The following CLEC9A variants were observed in gnomAD, a reference collection of about 807,000 sequenced individuals.
The protein encoded by CLEC9A is C-type lectin domain containing 9A.
Under a neutral mutation model 30.0 loss-of-function variants are expected in CLEC9A, and 24 were observed. The observed-to-expected ratio is 0.80, with a 90% CI of 0.58 to 1.13. CLEC9A has a LOEUF of 1.13. Among genes scored for constraint, CLEC9A ranks in the 50% most tolerant of loss-of-function variants. The probability of loss-of-function intolerance (pLI) is 0.00; values close to 1 mark genes in which losing one functional copy is unlikely to be tolerated. For synonymous variants in CLEC9A, 111 were observed against 96.8 expected, an observed-to-expected ratio of 1.15 and a Z score of -0.86; for missense variants, 251 against 280.9, an observed-to-expected ratio of 0.89 and a Z score of 0.76.
chr12:10,047,581 T>C (rs1164592624), intron 2 of CLEC9A, among the ~76,000 whole-genome samples: 1 of 152,190 alleles, frequency 6.6e-6, no homozygotes, highest in Non-Finnish European at 1.5e-5. Context: ...AAATTACAAC[T>C]AAGTTACAAG....
chr12:10,032,632 CCG>C lies in CLEC9A; in HGVS notation c.-318+1662_-318+1663del, dbSNP rs1865709752. 2.0e-5 allele frequency among the ~76,000 whole-genome samples: 3 copies of C among 152,028 alleles called. No individual in the cohort carries two copies. In the South Asian group the frequency reaches 6.2e-4, roughly 32 times the overall value. On this transcript the variant is annotated intron_variant, in intron 1 of 8. Coordinates refer to ENST00000355819, the MANE Select transcript of CLEC9A (RefSeq NM_207345.4). ...GGTCTCGATCTCCTAACCTCGTGATCCGCCCGCTTCGGCCTCCCAACGAGCTG... is the reference window on the plus strand; with the variant it reads ...GGTCTCGATCTCCTAACCTCGTGATCCCCGCTTCGGCCTCCCAACGAGCTG...
chr12:10,044,310 A>T (rs1211261514), intron 2 of CLEC9A, among the ~76,000 whole-genome samples: 1 of 152,220 alleles, frequency 6.6e-6, no homozygotes, highest in Non-Finnish European at 1.5e-5. Context: ...ATGTAAATGG[A>T]TAACCAAATC....
intron 2 of CLEC9A, among the ~76,000 whole-genome samples, chr12:10,045,959 G>C (rs1467557805): frequency 6.6e-6 from 1 of 152,136 alleles, no homozygotes; most frequent in Non-Finnish European, 1.5e-5. Flanking sequence ...ATATAGATTA[G>C]TGCTTAATTA....
chr12:10,042,494 A>G (rs540032195), intron 2 of CLEC9A, among the ~76,000 whole-genome samples: 1 of 152,342 alleles, frequency 6.6e-6, no homozygotes, highest in South Asian at 2.1e-4. Context: ...TGATTTACCT[A>G]TTCCTTCATT....
At chr12:10,059,327 T>C (rs947288137) in intron 5 of CLEC9A, among the ~76,000 whole-genome samples, 3 of 151,984 alleles carry the variant, frequency 2.0e-5, no homozygotes, top group African/African-American at 7.2e-5. Context: ...TTTCAACAAA[T>C]GGTGCTGGAG....
At position 10,030,897 on chromosome 12, in the gene CLEC9A, A is replaced by G. The variant is rs1865689096; in HGVS notation, c.-393A>G. 1 of 152,206 alleles carries G rather than the reference A, an allele frequency of 6.6e-6. No homozygotes were observed. Among genetic ancestry groups the G allele is most frequent in the African/African-American group, 2.4e-5 (1 of 41,442 alleles). 9.4% of individuals were successfully genotyped at this position (152,206 alleles called of 1,614,324 possible). On this transcript the variant is annotated 5_prime_UTR_variant, in exon 1 of 9. Transcript: ENST00000355819. ...TTTCTTATCAAGATCTGGGTATTTG[A>G]TCCACACAATGGTAAAGATTCCCAT...
At chr12:10,045,074 A>G (rs1007838234) in intron 2 of CLEC9A, among the ~76,000 whole-genome samples, 2 of 152,146 alleles carry the variant, frequency 1.3e-5, no homozygotes, top group South Asian at 2.1e-4. Flanking sequence ...ATTCCCATCC[A>G]TTGCAGATAC....
chr12:10,049,717 C>T (rs983875588), intron 2 of CLEC9A, among the ~76,000 whole-genome samples: 2 of 152,190 alleles, frequency 1.3e-5, no homozygotes, highest in African/African-American at 4.8e-5. Flanking sequence ...CTGAATTAGG[C>T]TTTGGCTTAA....
intron 4 of CLEC9A, 48 bp downstream of exon 4, chr12:10,052,826 T>G (rs1029171232): frequency 1.3e-6 from 2 of 1,595,230 alleles, no homozygotes; most frequent in African/African-American, 2.7e-5. Flanking sequence ...TTCATGTTTT[T>G]TTTTTTTTTC....
chr12:10,040,611 C>T (rs558970989), intron 1 of CLEC9A, among the ~76,000 whole-genome samples: 33 of 151,952 alleles, frequency 2.2e-4, no homozygotes, highest in Admixed American at 9.8e-4. Flanking sequence ...CCACCACACC[C>T]GGCTAATTTT....
chr12:10,047,891 G>T (rs1376716264), intron 2 of CLEC9A, among the ~76,000 whole-genome samples: 2 of 152,182 alleles, frequency 1.3e-5, no homozygotes, highest in Non-Finnish European at 2.9e-5. Flanking sequence ...GATCAGAGTG[G>T]TGGTTGCTGA....
In CLEC9A at chr12:10,054,306, T is replaced by G; in HGVS notation, c.127T>G (p.Phe43Val). 1.9e-6 allele frequency: 3 copies of G among 1,613,316 alleles called. No homozygotes were observed. The highest frequency in any genetic ancestry group is 1.7e-6 in the Non-Finnish European group (2 of 1,179,494). The change falls in exon 5 of 9, where the codon TTC (phenylalanine) becomes GTC (valine). Residue 43 changes from phenylalanine to valine, a missense_variant. Coordinates refer to ENST00000355819, the MANE Select transcript of CLEC9A (RefSeq NM_207345.4). ...CCLVMVISCV[F>V]CMGLLTASIF... is the part of the protein sequence containing the mutation. ...TCTTGTGATGGTGATTTCATGTGTT[T>G]TCTGCATGGGATTATTAACAGCATC...
intron 7 of CLEC9A, 44 bp from the exon 8 acceptor site, chr12:10,064,687 GT>G: frequency 6.4e-7 from 1 of 1,560,124 alleles, no homozygotes; most frequent in Non-Finnish European, 8.7e-7. Context: ...CTAGAGTTTT[GT>G]TTGTTTGTTT....
chr12:10,034,453 T>C (rs1453294871), intron 1 of CLEC9A, among the ~76,000 whole-genome samples: 1 of 152,256 alleles, frequency 6.6e-6, no homozygotes, highest in African/African-American at 2.4e-5. Flanking sequence ...TTTGTAGCAC[T>C]TTTCATGATG....
At chr12:10,031,949 A>C (rs1297460905) in intron 1 of CLEC9A, among the ~76,000 whole-genome samples, 1 of 152,088 alleles carries the variant, frequency 6.6e-6, no homozygotes, top group Admixed American at 6.6e-5. Flanking sequence ...GGGTAGGGAA[A>C]GGAATGCAGA....
At chr12:10,039,588 A>G (rs1361322927) in intron 1 of CLEC9A, among the ~76,000 whole-genome samples, 1 of 152,076 alleles carries the variant, frequency 6.6e-6, no homozygotes, top group Non-Finnish European at 1.5e-5. Flanking sequence ...CCTGTCTGAA[A>G]TCTTTCTCAT....
chr12:10,055,719 T>C (rs1865936174), intron 5 of CLEC9A, among the ~76,000 whole-genome samples: 1 of 152,088 alleles, frequency 6.6e-6, no homozygotes, highest in Non-Finnish European at 1.5e-5. Context: ...TTTTGTCTAC[T>C]ATATAGACAA....
intron 6 of CLEC9A, 99 bp from the exon 7 acceptor site, chr12:10,062,956 A>T: frequency 1.0e-6 from 1 of 995,680 alleles, no homozygotes; most frequent in Non-Finnish European, 1.4e-6. Flanking sequence ...ACGTTATGAG[A>T]TTCAGCCTCA....
chr12:10,065,528 A>G lies in CLEC9A; in HGVS notation c.622A>G (p.Asn208Asp). 6.2e-7 allele frequency: 1 copy of G among 1,613,948 alleles called. No individual in the cohort carries two copies. The highest frequency in any genetic ancestry group is 1.3e-5 in the African/African-American group (1 of 75,032). The change falls in exon 9 of 9, where the codon AAC (asparagine) becomes GAC (aspartate). Residue 208 changes from asparagine (N) to aspartate (D), a missense_variant. Coordinates refer to ENST00000355819, the MANE Select transcript of CLEC9A (RefSeq NM_207345.4). ...LLPAERSQSA[N>D]QVCGYVKSNS... The stretch of plus-strand genomic sequence containing the variant: ...GCCAGCAGAGAGATCCCAGTCAGCT[A>G]ACCAAGTCTGTGGATACGTGAAAAG...
Sources: allele counts gnomAD v4.1 joint callset (sites outside exome capture counted in the v4.1 genomes callset), GRCh38; gene constraint gnomAD v4.1.1; transcripts MANE v1.5; gene names NCBI Gene and HGNC (gene_info 2026-07-23, HGNC 2026-07-21).